ZBTB20: variants seen among roughly 807,000 people sequenced by gnomAD.
The protein encoded by ZBTB20 is zinc finger and BTB domain containing 20.
Under a neutral mutation model 56.9 loss-of-function variants are expected in ZBTB20, and 9 were observed. That is an observed-to-expected ratio of 0.16 (90% confidence interval 0.10 to 0.28). ZBTB20 has a LOEUF of 0.28. Among genes scored for constraint, ZBTB20 ranks in the 10% least tolerant of loss-of-function variants. The pLI is 1.00. For synonymous variants in ZBTB20, 417 were observed against 420.7 expected (o/e 0.99, Z 0.11); for missense variants, 655 against 1,003.0 (o/e 0.65, Z 4.69).
chr3:114,656,271 T>C (rs2108038307), intron 6 of ZBTB20, among the ~76,000 whole-genome samples: 1 of 152,352 alleles, frequency 6.6e-6, no homozygotes, highest in East Asian at 1.9e-4. Context: ...TGTGATTTTC[T>C]TTGCATATTT....
intron 4 of ZBTB20, among the ~76,000 whole-genome samples, chr3:114,877,977 C>G (rs937958786): frequency 1.3e-5 from 2 of 152,082 alleles, no homozygotes; most frequent in Non-Finnish European, 2.9e-5. Flanking sequence ...CTCTTTGTTT[C>G]AGATATACCA....
At chr3:114,474,357 T>C (rs1471239429) in intron 7 of ZBTB20, among the ~76,000 whole-genome samples, 1 of 152,262 alleles carries the variant, frequency 6.6e-6, no homozygotes, top group Non-Finnish European at 1.5e-5. Flanking sequence ...CAGCAATGCT[T>C]CACATATCTG....
At position 114,471,208 on chromosome 3, in the gene ZBTB20, A is replaced by C. The variant is rs182929449; in HGVS notation, c.-255+29144T>G. On this transcript the variant is annotated intron_variant, in intron 7 of 11. Transcript: ENST00000675478. ...AAGATAATAAATAATATTAACAATA[A>C]TAACTCCATGCATTGAACTCTTAAT... Among the ~76,000 whole-genome samples the C allele has an allele frequency of 1.5e-3, 231 of 152,332 alleles. 1 individual carries two copies. The highest frequency in any genetic ancestry group is 0.01 in the Middle Eastern group (3 of 294).
chr3:115,034,823 G>A (rs543739509), intron 2 of ZBTB20, among the ~76,000 whole-genome samples: 7 of 151,904 alleles, frequency 4.6e-5, no homozygotes, highest in East Asian at 3.9e-4. Flanking sequence ...GTTTCAAAAC[G>A]TACTACAAAG....
intron 3 of ZBTB20, among the ~76,000 whole-genome samples, chr3:114,935,977 G>C (rs925849485): frequency 6.6e-6 from 1 of 152,068 alleles, no homozygotes; most frequent in Non-Finnish European, 1.5e-5. Context: ...GCTCATTCTA[G>C]AGGTAAATTT....
chr3:114,778,867 C>A (rs146706298), intron 5 of ZBTB20, among the ~76,000 whole-genome samples: 1 of 152,186 alleles, frequency 6.6e-6, no homozygotes, highest in East Asian at 1.9e-4. Flanking sequence ...GAAGAACAGT[C>A]TATTTTTAAA....
intron 6 of ZBTB20, among the ~76,000 whole-genome samples, chr3:114,507,448 T>C (rs1273699415): frequency 1.3e-5 from 2 of 152,142 alleles, no homozygotes; most frequent in Non-Finnish European, 2.9e-5. Flanking sequence ...GAGGTGTGTC[T>C]TTATGGTTTT....
At chr3:114,770,345 C>G (rs771281740) in intron 5 of ZBTB20, among the ~76,000 whole-genome samples, 51 of 151,412 alleles carry the variant, frequency 3.4e-4, no homozygotes, top group Non-Finnish European at 5.4e-4. Context: ...GAGGCTGAGG[C>G]AGGAAAATCA....
intron 1 of ZBTB20, among the ~76,000 whole-genome samples, chr3:115,133,320 TTC>T (rs887968446): frequency 3.3e-5 from 5 of 152,238 alleles, no homozygotes; most frequent in African/African-American, 1.2e-4. Flanking sequence ...CAGTTTTTTC[TTC>T]TTTTTCATTT....
At chr3:114,768,856 C>T (rs1197333329) in intron 5 of ZBTB20, among the ~76,000 whole-genome samples, 1 of 152,146 alleles carries the variant, frequency 6.6e-6, no homozygotes, top group African/African-American at 2.4e-5. Flanking sequence ...AAGGCTAGAA[C>T]TCACAGGTTC....
intron 2 of ZBTB20, among the ~76,000 whole-genome samples, chr3:115,016,085 T>C (rs535765642): frequency 1.6e-4 from 24 of 152,170 alleles, no homozygotes; most frequent in Non-Finnish European, 3.2e-4. Flanking sequence ...GTTGAGCTTT[T>C]TTCACGTTTG....
chr3:114,477,489 C>CTTTT (rs765333264), intron 7 of ZBTB20, among the ~76,000 whole-genome samples: 6 of 109,236 alleles, frequency 5.5e-5, no homozygotes, highest in African/African-American at 7.7e-5. Flanking sequence ...GTTCCCTGCA[C>CTTTT]TTTTTTTTTT....
intron 5 of ZBTB20, among the ~76,000 whole-genome samples, chr3:114,780,366 A>G (rs2069989219): frequency 6.6e-6 from 1 of 152,278 alleles, no homozygotes; most frequent in African/African-American, 2.4e-5. Flanking sequence ...TTGGAAGTGA[A>G]GAGTGAGGAA....
chr3:114,876,457 A>G (rs997690860), intron 4 of ZBTB20: 7 of 152,330 alleles, frequency 4.6e-5, no homozygotes, highest in African/African-American at 1.7e-4. Context: ...CTCTAAAAAA[A>G]TAAGATAAAA....
At chr3:114,598,434 T>C (rs761231376) in intron 6 of ZBTB20, among the ~76,000 whole-genome samples, 5 of 151,450 alleles carry the variant, frequency 3.3e-5, no homozygotes, top group Non-Finnish European at 7.4e-5. Context: ...AAATGTGCTA[T>C]ATGACAGGAT....
chr3:114,917,584 G>A (rs2075793606), intron 3 of ZBTB20, among the ~76,000 whole-genome samples: 2 of 152,132 alleles, frequency 1.3e-5, no homozygotes, highest in Non-Finnish European at 2.9e-5. Context: ...CTACATTGGG[G>A]GCACTCCAGG....
chr3:114,482,032 G>A (rs1365718568), intron 7 of ZBTB20, among the ~76,000 whole-genome samples: 2 of 152,200 alleles, frequency 1.3e-5, no homozygotes, highest in Admixed American at 6.5e-5. Context: ...TGAGGGTTGG[G>A]TCTGAGGGTA....
chr3:114,566,014 C>CTTTTTT (rs539761371), intron 6 of ZBTB20, among the ~76,000 whole-genome samples: 36 of 143,500 alleles, frequency 2.5e-4, no homozygotes, highest in African/African-American at 4.2e-4. Context: ...CTTTTTTTTT[C>CTTTTTT]TTTTTTTAAA....
At chr3:115,118,079 T>A (rs2084072198) in intron 1 of ZBTB20, among the ~76,000 whole-genome samples, 1 of 152,246 alleles carries the variant, frequency 6.6e-6, no homozygotes, top group Non-Finnish European at 1.5e-5. Context: ...AAGTATTAAA[T>A]GAGAACATAT....
Sources: gnomAD v4.1 joint callset for allele counts (sites outside exome capture counted in the v4.1 genomes callset) on GRCh38, gnomAD v4.1.1 for gene constraint, MANE v1.5 for transcripts, NCBI Gene and HGNC (gene_info 2026-07-23, HGNC 2026-07-21) for gene names.